MARCHF10: variants seen among roughly 807,000 people sequenced by gnomAD.
MARCHF10 encodes the protein membrane associated ring-CH-type finger 10, also known as probable E3 ubiquitin-protein ligase MARCHF10.
Under a neutral mutation model 76.2 loss-of-function variants are expected in MARCHF10, and 64 were observed. That is an observed-to-expected ratio of 0.84 (90% confidence interval 0.69 to 1.03). The LOEUF is 1.03. Among genes scored for constraint, MARCHF10 ranks in the 50% least tolerant of loss-of-function variants. MARCHF10 has a pLI of 0.00. For missense variants in MARCHF10, 875 were observed against 958.0 expected (o/e 0.91, Z 1.14); for synonymous variants, 340 against 357.5 (o/e 0.95, Z 0.55).
At chr17:62,752,505 T>C (rs562768354) in intron 4 of MARCHF10, among the ~76,000 whole-genome samples, 17 of 152,310 alleles carry the variant, frequency 1.1e-4, no homozygotes, top group African/African-American at 3.1e-4. Context: ...ACTGACCTAG[T>C]TTCCTGGGCC....
At chr17:62,730,961 G>T (rs556127851) in intron 6 of MARCHF10, among the ~76,000 whole-genome samples, 2 of 152,214 alleles carry the variant, frequency 1.3e-5, no homozygotes, top group East Asian at 3.9e-4. Flanking sequence ...GAATCATAGA[G>T]CTAAAAGTTG....
chr17:62,705,840 G>A (rs1350682342), intron 9 of MARCHF10, among the ~76,000 whole-genome samples: 1 of 152,270 alleles, frequency 6.6e-6, no homozygotes, highest in East Asian at 1.9e-4. Context: ...GAACAGACTC[G>A]CTTCCTTTGA....
chr17:62,791,620 T>C (rs2092844147), intron 2 of MARCHF10, among the ~76,000 whole-genome samples: 1 of 152,332 alleles, frequency 6.6e-6, no homozygotes, highest in African/African-American at 2.4e-5. Context: ...AACTTTTATC[T>C]TGACAGAGCC....
chr17:62,787,536 T>C (rs1489106548), intron 3 of MARCHF10, among the ~76,000 whole-genome samples: 1 of 152,200 alleles, frequency 6.6e-6, no homozygotes, highest in African/African-American at 2.4e-5. Context: ...CAGCTTGTGG[T>C]ATTGAGCTCT....
intron 9 of MARCHF10, among the ~76,000 whole-genome samples, chr17:62,708,055 G>A (rs569266865): frequency 1.3e-5 from 2 of 152,166 alleles, no homozygotes; most frequent in South Asian, 2.1e-4. Context: ...CTGTCATCCC[G>A]CCAGTGCACT....
chr17:62,735,769 A>G (rs1030659865), intron 6 of MARCHF10, 162 bp downstream of exon 6: 1 of 624,284 alleles, frequency 1.6e-6, no homozygotes, highest in African/African-American at 1.9e-5. Context: ...CGTATATTTT[A>G]AGAGCAACAA....
At position 62,738,460 on chromosome 17, in the gene MARCHF10, C is replaced by A. The variant is rs2091380905; in HGVS notation, c.536-1128G>T. ...ATTCCCTCCTGACATCGGCCTCCCC[C>A]CGCTTTGTTCTCCTCTCTGCTATTG... On this transcript the variant is annotated intron_variant, in intron 5 of 10. Coordinates refer to ENST00000311269, the MANE Select transcript of MARCHF10 (RefSeq NM_152598.4). This position sits in a 1 kb window ranked among gnomAD's most constrained non-coding sequence, Gnocchi z 4.0. Among the ~76,000 whole-genome samples, 1 of 152,186 alleles carries A rather than the reference C, an allele frequency of 6.6e-6. No individual in the cohort carries two copies. Among genetic ancestry groups the A allele is most frequent in the African/African-American group, 2.4e-5 (1 of 41,442 alleles).
chr17:62,746,447 G>A (rs1420105245), intron 4 of MARCHF10, among the ~76,000 whole-genome samples: 1 of 131,598 alleles, frequency 7.6e-6, no homozygotes, highest in African/African-American at 2.6e-5. Context: ...AGGAAGGTGA[G>A]AGAGTGAGAG....
Position 62,762,967 on chromosome 17 carries a change from G to A in MARCHF10, c.211-2961C>T, listed in dbSNP as rs180905527. Among the ~76,000 whole-genome samples, 6 of 152,290 alleles carry A rather than the reference G, an allele frequency of 3.9e-5. No individual in the cohort carries two copies. The East Asian group carries it at 5.8e-4, about 15-fold the overall frequency. On this transcript the variant is annotated intron_variant, in intron 3 of 10. Coordinates refer to ENST00000311269, the MANE Select transcript of MARCHF10 (RefSeq NM_152598.4). ...TTAAGGCCCTGGAGCCCAGCTCCACGGGAGTGAATCCCAGCTCTTGCACAT... is the reference window on the plus strand; with the variant it reads ...TTAAGGCCCTGGAGCCCAGCTCCACAGGAGTGAATCCCAGCTCTTGCACAT...
intron 5 of MARCHF10, among the ~76,000 whole-genome samples, chr17:62,741,151 C>T (rs2091490142): frequency 6.6e-6 from 1 of 152,040 alleles, no homozygotes; most frequent in Non-Finnish European, 1.5e-5. Flanking sequence ...TTATGCCATG[C>T]CATTAGCTAT....
At chr17:62,760,264 C>T (rs139327433) in intron 3 of MARCHF10, among the ~76,000 whole-genome samples, 53 of 152,146 alleles carry the variant, frequency 3.5e-4, no homozygotes, top group Non-Finnish European at 3.1e-4. Flanking sequence ...TTTTGTAGAA[C>T]GTTATGAAAA....
intron 2 of MARCHF10, among the ~76,000 whole-genome samples, chr17:62,791,029 T>C (rs1267938439): frequency 6.6e-6 from 1 of 152,198 alleles, no homozygotes; most frequent in East Asian, 1.9e-4. Context: ...TAGTAAGTCA[T>C]CATAATAAAC....
intron 2 of MARCHF10, among the ~76,000 whole-genome samples, chr17:62,798,676 T>G (rs1381498605): frequency 6.6e-6 from 1 of 152,002 alleles, no homozygotes; most frequent in South Asian, 2.1e-4. Flanking sequence ...AGCTGGCTGT[T>G]TGGGGACATC....
At chr17:62,767,825 C>T (rs913936804) in intron 3 of MARCHF10, among the ~76,000 whole-genome samples, 5 of 152,110 alleles carry the variant, frequency 3.3e-5, no homozygotes, top group African/African-American at 9.7e-5. Context: ...CCTTCTAAAT[C>T]GCTAAGAGTT....
intron 3 of MARCHF10, among the ~76,000 whole-genome samples, chr17:62,769,810 C>T (rs1264854634): frequency 1.3e-5 from 2 of 152,166 alleles, no homozygotes; most frequent in Non-Finnish European, 2.9e-5. Context: ...ATTATCATTG[C>T]ATTCTCAAGG....
intron 1 of MARCHF10, 110 bp from the exon 2 acceptor site, chr17:62,801,862 C>T: frequency 1.2e-6 from 1 of 841,940 alleles, no homozygotes. Flanking sequence ...TCTAATTTCC[C>T]TTGTTTGAAA....
At chr17:62,800,412 A>G (rs571726076) in intron 2 of MARCHF10, among the ~76,000 whole-genome samples, 60 of 152,224 alleles carry the variant, frequency 3.9e-4, no homozygotes, top group African/African-American at 1.3e-3. Context: ...GTGGATGTTT[A>G]TGTTCTTATT....
At chr17:62,741,037 G>A (rs2091486260) in intron 5 of MARCHF10, among the ~76,000 whole-genome samples, 1 of 152,118 alleles carries the variant, frequency 6.6e-6, no homozygotes, top group South Asian at 2.1e-4. Context: ...ATATCCACCT[G>A]CTCCCTGAAG....
At chr17:62,793,501 A>C (rs2092919460) in intron 2 of MARCHF10, among the ~76,000 whole-genome samples, 2 of 96,706 alleles carry the variant, frequency 2.1e-5, no homozygotes, top group Non-Finnish European at 2.0e-5. Context: ...CACCACCACC[A>C]CCTCCATCAC....
Sources: gnomAD v4.1 joint callset for allele counts (sites outside exome capture counted in the v4.1 genomes callset) on GRCh38, gnomAD v4.1.1 for gene constraint, Gnocchi (gnomAD v3.1) non-coding constraint, MANE v1.5 for transcripts, NCBI Gene and HGNC (gene_info 2026-07-23, HGNC 2026-07-21) for gene names.